CADM1: variants seen among roughly 807,000 people sequenced by gnomAD.
CADM1 encodes TSLC-1.
A neutral mutation model predicts 53.1 loss-of-function variants in CADM1; 15 were observed. That is an observed-to-expected ratio of 0.28 (90% CI 0.19 to 0.44). The LOEUF (loss-of-function observed/expected upper bound fraction) is 0.44. CADM1 is among the 20% of genes least tolerant of loss of function. The pLI is 1.00. For synonymous variants in CADM1, 281 were observed against 243.0 expected, an observed-to-expected ratio of 1.16 and a Z score of -1.45; for missense variants, 434 against 611.3, an observed-to-expected ratio of 0.71 and a Z score of 3.06.
At chr11:115,440,776 CATTTTT>C (rs1413174920) in intron 1 of CADM1, among the ~76,000 whole-genome samples, 1 of 152,028 alleles carries the variant, frequency 6.6e-6, no homozygotes, top group African/African-American at 2.4e-5. Flanking sequence ...GGCTTTCATT[CATTTTT>C]ATTTTTATTT....
intron 5 of CADM1, among the ~76,000 whole-genome samples, chr11:115,225,415 T>C (rs1395755341): frequency 5.3e-5 from 8 of 152,192 alleles, no homozygotes; most frequent in Admixed American, 5.2e-4. Flanking sequence ...ATAAATTACA[T>C]TGATGTTAAT....
Position 115,254,593 on chromosome 11 carries a change from C to CACAGAGAG in CADM1, c.125-14174_125-14173insCTCTCTGT, listed in dbSNP as rs1491508599. Among the ~76,000 whole-genome samples, 617 of 136,346 alleles carry CACAGAGAG rather than the reference C, an allele frequency of 4.5e-3. 7 individuals are homozygous for CACAGAGAG. Among genetic ancestry groups the CACAGAGAG allele is most frequent in the African/African-American group, 0.016 (554 of 34,322 alleles). 89.4% of individuals were successfully genotyped at this position (136,346 alleles called of 152,430 possible). A position where few individuals can be genotyped will look rare whatever the true frequency, so the allele number is the denominator to read the frequency against. On this transcript the variant is annotated intron_variant, in intron 1 of 11. Coordinates refer to ENST00000331581, the MANE Select transcript of CADM1 (RefSeq NM_001301043.2). ...ACACACACACACACACACACACACA[C>CACAGAGAG]AGAGACAACAAACGCATACTTGTAA...
Position 115,480,827 on chromosome 11 carries a change from C to T in CADM1, c.124+23444G>A, listed in dbSNP as rs558563450. On this transcript the variant is annotated intron_variant, in intron 1 of 11. Coordinates refer to ENST00000331581, the MANE Select transcript of CADM1 (RefSeq NM_001301043.2). ...TTCTCCCTCCCTCCAGGCCTCAGCC[C>T]TGCAGGGTGCAATCTTATCTACATC... 1.1e-4 allele frequency among the ~76,000 whole-genome samples: 17 copies of T among 152,244 alleles called. 1 individual carries two copies. The highest frequency in any genetic ancestry group is 4.1e-4 in the African/African-American group (17 of 41,538).
At chr11:115,204,916 A>G (rs1413598802) in intron 8 of CADM1, among the ~76,000 whole-genome samples, 1 of 152,214 alleles carries the variant, frequency 6.6e-6, no homozygotes, top group Non-Finnish European at 1.5e-5. Context: ...TACCAATAAG[A>G]AAAGCCTGGC....
intron 1 of CADM1, among the ~76,000 whole-genome samples, chr11:115,305,348 A>G (rs773902815): frequency 2.6e-5 from 4 of 152,046 alleles, no homozygotes; most frequent in Non-Finnish European, 5.9e-5. Context: ...TCGCATTATC[A>G]GAAAGCACTT....
chr11:115,181,842 G>C (rs1032416960), intron 10 of CADM1, among the ~76,000 whole-genome samples: 1 of 152,230 alleles, frequency 6.6e-6, no homozygotes, highest in Non-Finnish European at 1.5e-5. Context: ...GCACCTGCGG[G>C]CTGTGCCTCA....
rs745348157 is a variant in CADM1, at chr11:115,504,305, CAGCAGA to C, written c.84_89del (p.Leu31_Leu32del). On this transcript the variant is annotated inframe_deletion, in exon 1 of 12. Coordinates refer to ENST00000331581, the MANE Select transcript of CADM1 (RefSeq NM_001301043.2). ...TCAGTGCCGCGGCGGAGAAGAGCAA[CAGCAGA>C]AGCCGGAGCCGGAGCCCGGGAGGCG... The C allele has an allele frequency of 7.0e-6, 11 of 1,563,272 alleles. No individual in the cohort carries two copies. The highest frequency in any genetic ancestry group is 1.2e-5 in the South Asian group (1 of 84,940).
intron 1 of CADM1, 97 bp downstream of exon 1, chr11:115,504,174 G>T (rs1166584173): frequency 1.3e-6 from 2 of 1,508,242 alleles, no homozygotes; most frequent in Non-Finnish European, 9.0e-7. Flanking sequence ...TAGGAAGTGG[G>T]GGGAGGTTGT....
chr11:115,218,274 A>G (rs1941270379), intron 5 of CADM1: 3 of 414,232 alleles, frequency 7.2e-6, no homozygotes, highest in South Asian at 6.4e-5. Flanking sequence ...GTTTATCTCC[A>G]AACTCACTCA....
At chr11:115,335,113 G>C (rs748973789) in intron 1 of CADM1, among the ~76,000 whole-genome samples, 1 of 151,956 alleles carries the variant, frequency 6.6e-6, no homozygotes, top group Non-Finnish European at 1.5e-5. Flanking sequence ...TCATGCACTG[G>C]TAAACCATAA....
intron 1 of CADM1, among the ~76,000 whole-genome samples, chr11:115,500,033 T>G (rs986022235): frequency 1.3e-5 from 2 of 152,088 alleles, no homozygotes; most frequent in Admixed American, 6.5e-5. Context: ...ATGGGACTAA[T>G]TGCTTCCAAC....
intron 1 of CADM1, among the ~76,000 whole-genome samples, chr11:115,371,995 T>G (rs879788916): frequency 3.9e-5 from 6 of 152,172 alleles, no homozygotes; most frequent in Non-Finnish European, 8.8e-5. Flanking sequence ...ACCTAAAACC[T>G]TGGCAATGAG....
At chr11:115,322,540 C>G (rs1328957817) in intron 1 of CADM1, among the ~76,000 whole-genome samples, 1 of 152,162 alleles carries the variant, frequency 6.6e-6, no homozygotes, top group African/African-American at 2.4e-5. Context: ...CAAAAAGAAA[C>G]TTTATATCCA....
intron 1 of CADM1, among the ~76,000 whole-genome samples, chr11:115,493,855 A>G (rs887567368): frequency 2.0e-5 from 3 of 152,202 alleles, no homozygotes; most frequent in Admixed American, 6.5e-5. Flanking sequence ...AAAACTCCTT[A>G]AAGAAAAAAC....
intron 3 of CADM1, among the ~76,000 whole-genome samples, chr11:115,232,010 T>C (rs143188408): frequency 0.012 from 1,728 of 141,726 alleles, 26 homozygotes; most frequent in African/African-American, 0.04. Context: ...ATAATAATAA[T>C]AATAACAACA....
At chr11:115,213,396 G>C (rs554156603) in intron 7 of CADM1, among the ~76,000 whole-genome samples, 1 of 152,090 alleles carries the variant, frequency 6.6e-6, no homozygotes, top group African/African-American at 2.4e-5. Flanking sequence ...ATACAACCAC[G>C]GACAACATTG....
At chr11:115,287,881 T>C (rs1306958243) in intron 1 of CADM1, among the ~76,000 whole-genome samples, 1 of 152,194 alleles carries the variant, frequency 6.6e-6, no homozygotes, top group African/African-American at 2.4e-5. Flanking sequence ...CAAGTCCTTG[T>C]CTTCAGGGAG....
chr11:115,364,034 C>T (rs1015634635), intron 1 of CADM1, among the ~76,000 whole-genome samples: 2 of 151,948 alleles, frequency 1.3e-5, no homozygotes, highest in African/African-American at 4.8e-5. Flanking sequence ...TTGATTAAAT[C>T]CACTCTATGA....
At chr11:115,363,928 A>C (rs903917415) in intron 1 of CADM1, among the ~76,000 whole-genome samples, 1 of 152,158 alleles carries the variant, frequency 6.6e-6, no homozygotes, top group East Asian at 1.9e-4. Context: ...ATTGCTTACT[A>C]TATTCATTAC....
Sources: gnomAD v4.1 joint callset for allele counts (sites outside exome capture counted in the v4.1 genomes callset) on GRCh38, gnomAD v4.1.1 for gene constraint, MANE v1.5 for transcripts, NCBI Gene and HGNC (gene_info 2026-07-23, HGNC 2026-07-21) for gene names.